RBFOX1: variants seen among roughly 807,000 people sequenced by gnomAD.
RBFOX1 encodes the protein RNA binding protein fox-1 homolog 1.
In RBFOX1, 8 loss-of-function variants were observed where a neutral mutation model predicts 57.7. The observed-to-expected ratio is 0.14, with a 90% confidence interval of 0.08 to 0.25. The LOEUF (loss-of-function observed/expected upper bound fraction) is 0.25. Ranked by LOEUF, RBFOX1 falls within the 10% of genes least tolerant of loss-of-function variation. The pLI, the probability that RBFOX1 is intolerant of heterozygous loss-of-function variation, is 1.00. For missense variants in RBFOX1, 611 were observed against 548.5 expected (o/e 1.11, Z -1.14); for synonymous variants, 326 against 222.4 (o/e 1.47, Z -4.15).
chr16:6,292,468 T>G (rs905219035), intron 1 of RBFOX1, among the ~76,000 whole-genome samples: 1 of 152,126 alleles, frequency 6.6e-6, no homozygotes, highest in Admixed American at 6.5e-5. Context: ...CTTCAATAAT[T>G]CAGTGTCAAA....
chr16:6,986,692 C>T (rs1404651873), intron 3 of RBFOX1, among the ~76,000 whole-genome samples: 1 of 152,116 alleles, frequency 6.6e-6, no homozygotes, highest in Non-Finnish European at 1.5e-5. Flanking sequence ...TCTCTCTCTC[C>T]TTCTCTCTGT....
intron 3 of RBFOX1, among the ~76,000 whole-genome samples, chr16:6,660,013 T>C (rs62017890): frequency 0.12 from 18,344 of 151,870 alleles, 1,409 homozygotes; most frequent in East Asian, 0.38. Flanking sequence ...GCCTCCAAGA[T>C]CAGGAGTTCG....
chr16:5,417,409 A>G (rs2067190207), intron 1 of RBFOX1, among the ~76,000 whole-genome samples: 1 of 152,234 alleles, frequency 6.6e-6, no homozygotes. Context: ...TCTTCCACCG[A>G]GGGAGTAGAA....
chr16:6,196,509 A>G (rs772711444), intron 1 of RBFOX1, among the ~76,000 whole-genome samples: 9 of 152,182 alleles, frequency 5.9e-5, no homozygotes, highest in Non-Finnish European at 1.0e-4. Context: ...TTAGCTTCCC[A>G]TTCTGAAATA....
At chr16:5,261,583 C>A (rs950674590) in intron 1 of RBFOX1, among the ~76,000 whole-genome samples, 5 of 147,562 alleles carry the variant, frequency 3.4e-5, no homozygotes, top group African/African-American at 1.0e-4. Context: ...GGAGTCTCTC[C>A]CTGTCACCCA....
chr16:5,623,092 A>G (rs1018822059), intron 3 of RBFOX1, among the ~76,000 whole-genome samples: 1 of 152,188 alleles, frequency 6.6e-6, no homozygotes, highest in Admixed American at 6.5e-5. Context: ...ATGAACACCA[A>G]GGGATGACTG....
At chr16:7,121,459 A>T (rs1433412784) in intron 4 of RBFOX1, among the ~76,000 whole-genome samples, 2 of 152,134 alleles carry the variant, frequency 1.3e-5, no homozygotes, top group Non-Finnish European at 2.9e-5. Flanking sequence ...CTTAAAAACA[A>T]ACCATTTACA....
At chr16:5,297,807 C>T (rs1028730069) in intron 1 of RBFOX1, among the ~76,000 whole-genome samples, 11 of 152,148 alleles carry the variant, frequency 7.2e-5, no homozygotes, top group South Asian at 4.1e-4. Flanking sequence ...GGCGCTACAC[C>T]GACTTGGTAT....
intron 3 of RBFOX1, among the ~76,000 whole-genome samples, chr16:5,856,274 C>G (rs867560832): frequency 1.2e-4 from 3 of 25,790 alleles, no homozygotes; most frequent in East Asian, 8.8e-4. Flanking sequence ...TATATATATA[C>G]ACATATATAT....
At chr16:5,335,795 C>G (rs942803779) in intron 1 of RBFOX1, among the ~76,000 whole-genome samples, 6 of 152,164 alleles carry the variant, frequency 3.9e-5, no homozygotes, top group African/African-American at 1.4e-4. Context: ...CGTGGGTGTT[C>G]AGTAAATATT....
At chr16:5,791,075 A>G (rs1454352206) in intron 3 of RBFOX1, among the ~76,000 whole-genome samples, 1 of 151,780 alleles carries the variant, frequency 6.6e-6, no homozygotes, top group African/African-American at 2.4e-5. Context: ...CACCATGTTG[A>G]CCAGGCCGGT....
intron 3 of RBFOX1, among the ~76,000 whole-genome samples, chr16:6,698,299 C>G (rs2061344992): frequency 6.6e-6 from 1 of 152,062 alleles, no homozygotes; most frequent in Non-Finnish European, 1.5e-5. Context: ...TACATCTAAA[C>G]CAGTCCATTT....
intron 2 of RBFOX1, among the ~76,000 whole-genome samples, chr16:5,525,545 T>C (rs1223872345): frequency 7.3e-6 from 1 of 137,816 alleles, no homozygotes; most frequent in African/African-American, 2.7e-5. Context: ...TTGCCAAGGC[T>C]GGAGTGCAGT....
intron 10 of RBFOX1, among the ~76,000 whole-genome samples, chr16:7,612,709 A>G (rs1463374940): frequency 6.6e-6 from 1 of 152,174 alleles, no homozygotes; most frequent in African/African-American, 2.4e-5. Context: ...ATCTTCATGA[A>G]TAAGTAAAGC....
intron 14 of RBFOX1, among the ~76,000 whole-genome samples, chr16:7,700,483 G>C (rs1409839144): frequency 1.3e-5 from 2 of 152,148 alleles, no homozygotes; most frequent in Non-Finnish European, 2.9e-5. Context: ...CTTCATGGAA[G>C]GGTATTGAAA....
chr16:6,913,703 G>C (rs1275363235), intron 3 of RBFOX1, among the ~76,000 whole-genome samples: 1 of 152,162 alleles, frequency 6.6e-6, no homozygotes, highest in Non-Finnish European at 1.5e-5. Context: ...AGCTGGGCCA[G>C]GCTCTGTCCT....
At chr16:5,590,255 A>G (rs1046942361) in intron 2 of RBFOX1, among the ~76,000 whole-genome samples, 13 of 151,866 alleles carry the variant, frequency 8.6e-5, no homozygotes, top group Admixed American at 7.9e-4. Context: ...CAAAGAGGGG[A>G]AAAAAAACCG....
intron 2 of RBFOX1, among the ~76,000 whole-genome samples, chr16:6,448,133 CTTTT>C (rs1294010408): frequency 8.6e-5 from 8 of 93,454 alleles, no homozygotes; most frequent in Non-Finnish European, 1.4e-4. Context: ...AGACATTTTT[CTTTT>C]TTTTCTTTTC....
chr16:6,952,690 T>G (rs1037559078), intron 3 of RBFOX1, among the ~76,000 whole-genome samples: 1 of 151,848 alleles, frequency 6.6e-6, no homozygotes, highest in African/African-American at 2.4e-5. Context: ...AAATTATCCT[T>G]GGTAGGGCCG....
Sources: gnomAD v4.1 joint callset for allele counts (sites outside exome capture counted in the v4.1 genomes callset) on GRCh38, gnomAD v4.1.1 for gene constraint, MANE v1.5 for transcripts, NCBI Gene and HGNC (gene_info 2026-07-23, HGNC 2026-07-21) for gene names.